FAAH2: variants seen among roughly 807,000 people sequenced by gnomAD.
FAAH2 encodes the protein fatty-acid amide hydrolase 2.
FAAH2 carries 60 observed loss-of-function variants against 36.9 expected under a neutral mutation model. The observed-to-expected ratio is 1.63, with a 90% CI of 1.32 to 2.02. The LOEUF is 2.02. Ranked by LOEUF, FAAH2 falls within the 30% of genes most tolerant of loss-of-function variation. The pLI is 0.00. For missense variants in FAAH2, 689 were observed against 397.5 expected (o/e 1.73, Z -6.23); for synonymous variants, 214 against 143.8 (o/e 1.49, Z -3.49).
At chrX:57,334,975 G>A (rs896546572) in intron 4 of FAAH2, among the ~76,000 whole-genome samples, 6 of 111,555 alleles carry the variant, frequency 5.4e-5, no homozygotes, top group Non-Finnish European at 1.1e-4. Context: ...TTCAGGACCT[G>A]AACTTAGCTC....
the FAAH2 span, among the ~76,000 whole-genome samples, chrX:57,129,351 A>G: frequency 8.9e-6 from 1 of 112,139 alleles, no homozygotes; most frequent in African/African-American, 3.2e-5. Context: ...AGGATGAAGT[A>G]TGAATAAAAT....
rs149412290 is a variant in FAAH2, at chrX:57,311,910, G to T, written c.412+1181G>T. ...GTGCTACTTGAGAGTAAGGAGCAGAGATCTGTGGACAGTAATGAAGCTGGG... is the reference window on the plus strand; with the variant it reads ...GTGCTACTTGAGAGTAAGGAGCAGATATCTGTGGACAGTAATGAAGCTGGG... On this transcript the variant is annotated intron_variant, in intron 3 of 10. Transcript: ENST00000374900. Among the ~76,000 whole-genome samples the T allele has an allele frequency of 4.1e-3, 455 of 112,202 alleles. 1 individual carries two copies. Among genetic ancestry groups the T allele is most frequent in the African/African-American group, 0.014 (427 of 30,909 alleles).
At chrX:57,187,738 G>A in the FAAH2 span, among the ~76,000 whole-genome samples, 9 of 111,038 alleles carry the variant, frequency 8.1e-5, no homozygotes, top group Non-Finnish European at 3.8e-5. Flanking sequence ...GAGATATGTT[G>A]CATCAATACC....
At chrX:57,192,470 G>A in the FAAH2 span, among the ~76,000 whole-genome samples, 2 of 111,573 alleles carry the variant, frequency 1.8e-5, no homozygotes, top group Middle Eastern at 4.2e-3. Context: ...GCTCTAGATA[G>A]GATTTCTAGT....
At chrX:57,373,551 C>T (rs2054602576) in intron 5 of FAAH2, among the ~76,000 whole-genome samples, 2 of 111,009 alleles carry the variant, frequency 1.8e-5, no homozygotes, top group Admixed American at 1.9e-4. Context: ...TATTCATGTC[C>T]TTACCCCATT....
At chrX:57,230,365 A>T in the FAAH2 span, among the ~76,000 whole-genome samples, 1 of 112,267 alleles carries the variant, frequency 8.9e-6, no homozygotes, top group Non-Finnish European at 1.9e-5. Flanking sequence ...GAGGTAGAAT[A>T]GTAGTTTAAA....
At chrX:57,237,808 A>G in the FAAH2 span, among the ~76,000 whole-genome samples, 14 of 111,705 alleles carry the variant, frequency 1.3e-4, no homozygotes, top group Non-Finnish European at 1.9e-4. Flanking sequence ...TACTAGATTA[A>G]AACAAACAAT....
intron 7 of FAAH2, among the ~76,000 whole-genome samples, chrX:57,419,786 C>A (rs1422273836): frequency 9.0e-6 from 1 of 111,675 alleles, no homozygotes; most frequent in East Asian, 2.8e-4. Context: ...GACATGAAGT[C>A]CTTGCCCATG....
At chrX:57,427,209 A>C (rs1471330145) in intron 7 of FAAH2, among the ~76,000 whole-genome samples, 3 of 111,031 alleles carry the variant, frequency 2.7e-5, no homozygotes, top group African/African-American at 9.8e-5. Context: ...AATCATGAGC[A>C]GATCAGAAAT....
intron 8 of FAAH2, among the ~76,000 whole-genome samples, chrX:57,446,371 G>A (rs1379842726): frequency 2.7e-5 from 3 of 112,133 alleles, no homozygotes; most frequent in African/African-American, 9.7e-5. Context: ...GACTGCTGAA[G>A]CATTCTATTC....
the FAAH2 span, among the ~76,000 whole-genome samples, chrX:57,264,939 T>C: frequency 9.0e-6 from 1 of 111,718 alleles, no homozygotes; most frequent in East Asian, 2.8e-4. Flanking sequence ...GGTACTCGCA[T>C]TGGGACTATT....
At chrX:57,257,682 A>C in the FAAH2 span, among the ~76,000 whole-genome samples, 2 of 111,443 alleles carry the variant, frequency 1.8e-5, no homozygotes, top group Non-Finnish European at 1.9e-5. Flanking sequence ...CCCAGAACTT[A>C]AAGTATAATT....
chrX:57,145,542 G>A, the FAAH2 span, among the ~76,000 whole-genome samples: 6 of 111,919 alleles, frequency 5.4e-5, no homozygotes, highest in East Asian at 1.7e-3. Flanking sequence ...CTTTTGTTGT[G>A]CAGAAGCATT....
intron 8 of FAAH2, among the ~76,000 whole-genome samples, chrX:57,434,458 A>AT (rs1314560422): frequency 9.1e-6 from 1 of 109,729 alleles, no homozygotes; most frequent in Non-Finnish European, 1.9e-5. Flanking sequence ...AAGAAGGTAG[A>AT]TTTTCTAAAA....
chrX:57,261,286 G>A, the FAAH2 span, among the ~76,000 whole-genome samples: 2 of 110,408 alleles, frequency 1.8e-5, no homozygotes, highest in Non-Finnish European at 3.8e-5. Context: ...TCTATATTTG[G>A]CCAGATCTGT....
chrX:57,310,524 G>A (rs2052663225), intron 2 of FAAH2, 69 bp from the exon 3 acceptor site: 8 of 1,079,357 alleles, frequency 7.4e-6, no homozygotes, highest in South Asian at 2.3e-5. Flanking sequence ...GTTGATATGG[G>A]TATTCTTTTA....
chrX:57,143,422 C>T, the FAAH2 span, among the ~76,000 whole-genome samples: 1 of 110,325 alleles, frequency 9.1e-6, no homozygotes, highest in Non-Finnish European at 1.9e-5. Flanking sequence ...CCCCTTACGA[C>T]TTTTTGTTGT....
chrX:57,152,910 T>TCCCC, the FAAH2 span, among the ~76,000 whole-genome samples: 8 of 105,960 alleles, frequency 7.6e-5, no homozygotes, highest in African/African-American at 2.9e-4. Flanking sequence ...CCACCTTGGC[T>TCCCC]CCCCCCCCGC....
At chrX:57,480,154 T>C (rs1225174497) in intron 10 of FAAH2, among the ~76,000 whole-genome samples, 1 of 110,929 alleles carries the variant, frequency 9.0e-6, no homozygotes, top group Non-Finnish European at 1.9e-5. Context: ...CTGGACCAGA[T>C]GGTTTCACAG....
Sources: allele counts gnomAD v4.1 joint callset (sites outside exome capture counted in the v4.1 genomes callset), GRCh38; gene constraint gnomAD v4.1.1; transcripts MANE v1.5; gene names NCBI Gene and HGNC (gene_info 2026-07-23, HGNC 2026-07-21).